DTD1: variants seen among roughly 807,000 people sequenced by gnomAD.
The protein encoded by DTD1 is D-tyrosyl-tRNA deacylase 1 homolog.
DTD1 carries 13 observed loss-of-function variants against 25.6 expected under a neutral mutation model. That is an observed-to-expected ratio of 0.51 (90% CI 0.33 to 0.81). The LOEUF (loss-of-function observed/expected upper bound fraction) is 0.81. Ranked by LOEUF, DTD1 falls within the 30% of genes least tolerant of loss-of-function variation. DTD1 has a pLI of 0.02. For synonymous variants in DTD1, 110 were observed against 103.6 expected (o/e 1.06, Z -0.37); for missense variants, 193 against 266.4 (o/e 0.72, Z 1.92).
At chr20:18,729,123 C>T (rs1280665175) in intron 4 of DTD1, among the ~76,000 whole-genome samples, 1 of 152,198 alleles carries the variant, frequency 6.6e-6, no homozygotes, top group East Asian at 1.9e-4. Flanking sequence ...CCTGCCTCAG[C>T]CCCTCAAGGG....
chr20:18,613,114 C>G (rs1177744941), intron 3 of DTD1, among the ~76,000 whole-genome samples: 1 of 152,202 alleles, frequency 6.6e-6, no homozygotes, highest in African/African-American at 2.4e-5. Flanking sequence ...CCTTTCTGAG[C>G]AGGATGTTCA....
At chr20:18,615,454 A>G (rs2060705728) in intron 3 of DTD1, among the ~76,000 whole-genome samples, 2 of 152,232 alleles carry the variant, frequency 1.3e-5, no homozygotes, top group African/African-American at 2.4e-5. Context: ...TATCCTCAAC[A>G]GCCCTTCAGG....
intron 4 of DTD1, among the ~76,000 whole-genome samples, chr20:18,716,791 T>A (rs892391543): frequency 2.6e-5 from 4 of 152,222 alleles, no homozygotes; most frequent in African/African-American, 9.6e-5. Flanking sequence ...AGAGAAGCCT[T>A]ACTGGTAACA....
intron 4 of DTD1, among the ~76,000 whole-genome samples, chr20:18,741,252 G>A (rs1398653376): frequency 6.6e-6 from 1 of 151,848 alleles, no homozygotes; most frequent in Non-Finnish European, 1.5e-5. Context: ...GTGCAGTGGC[G>A]TGATCTCGGC....
intron 3 of DTD1, among the ~76,000 whole-genome samples, chr20:18,617,122 A>C: frequency 6.6e-6 from 1 of 152,108 alleles, no homozygotes. Context: ...TCTATGATAC[A>C]ATTCAATTGG....
At chr20:18,722,910 AAC>A (rs1482139387) in intron 4 of DTD1, among the ~76,000 whole-genome samples, 2 of 152,220 alleles carry the variant, frequency 1.3e-5, no homozygotes, top group Non-Finnish European at 2.9e-5. Context: ...CTGGACCTAA[AAC>A]ACACAGAAAA....
chr20:18,630,941 A>G (rs2060785096), intron 4 of DTD1: 2 of 384,966 alleles, frequency 5.2e-6, no homozygotes, highest in East Asian at 1.6e-4. Flanking sequence ...AGTGCATCCT[A>G]CCAGGAGGTA....
Position 18,596,094 on chromosome 20 carries a change from C to G in DTD1, c.223C>G (p.Leu75Val). The G allele has an allele frequency of 6.2e-7, 1 of 1,614,166 alleles. No individual in the cohort carries two copies. The highest frequency in any genetic ancestry group is 8.5e-7 in the Non-Finnish European group (1 of 1,180,018). ...TGTGATGGACAAACAGTACGAGATTCTGTGTGTCAGCCAGTTTACCCTCCA... is the reference window on the plus strand; with the variant it reads ...TGTGATGGACAAACAGTACGAGATTGTGTGTGTCAGCCAGTTTACCCTCCA... ...KSVMDKQYEI[L>V]CVSQFTLQCV... The change falls in exon 3 of 6, where the codon CTG (leucine) becomes GTG (valine). Residue 75 changes from leucine to valine, a missense_variant. Leu to Val is a conservative substitution (Grantham distance 32, BLOSUM62 1). Coordinates refer to ENST00000377452, the MANE Select transcript of DTD1 (RefSeq NM_080820.6).
chr20:18,737,375 C>G (rs941984509), intron 4 of DTD1, among the ~76,000 whole-genome samples: 7 of 152,222 alleles, frequency 4.6e-5, no homozygotes, highest in African/African-American at 1.7e-4. Flanking sequence ...GTTGGCCCTC[C>G]CCAAACTTGG....
chr20:18,699,277 T>C (rs1342107208), intron 4 of DTD1, among the ~76,000 whole-genome samples: 1 of 152,188 alleles, frequency 6.6e-6, no homozygotes, highest in Non-Finnish European at 1.5e-5. Flanking sequence ...GGCAGCGGTG[T>C]TCTTTTCCCC....
At chr20:18,744,018 A>C in intron 4 of DTD1, 82 bp from the exon 5 acceptor site, 1 of 1,461,550 alleles carries the variant, frequency 6.8e-7, no homozygotes, top group Non-Finnish European at 9.1e-7. Flanking sequence ...AATGGTTCCC[A>C]CCTGGGAAGT....
At chr20:18,720,849 C>A (rs1178710614) in intron 4 of DTD1, among the ~76,000 whole-genome samples, 1 of 152,098 alleles carries the variant, frequency 6.6e-6, no homozygotes. Flanking sequence ...CAGAGTGAAA[C>A]CCTGTCTCAA....
chr20:18,754,804 G>C (rs762475254), intron 5 of DTD1, among the ~76,000 whole-genome samples: 2 of 152,318 alleles, frequency 1.3e-5, no homozygotes, highest in South Asian at 4.1e-4. Context: ...AGAGAGCAAC[G>C]TCTATTGACC....
intron 5 of DTD1, among the ~76,000 whole-genome samples, chr20:18,752,426 C>A (rs1382145392): frequency 2.0e-5 from 3 of 152,058 alleles, no homozygotes; most frequent in African/African-American, 7.2e-5. Context: ...AATGACCTAT[C>A]TTTGAGCTCA....
At chr20:18,634,617 G>A (rs2060800401) in intron 4 of DTD1, among the ~76,000 whole-genome samples, 1 of 152,092 alleles carries the variant, frequency 6.6e-6, no homozygotes, top group African/African-American at 2.4e-5. Flanking sequence ...AATTTTCTCT[G>A]TATACTTGTC....
intron 4 of DTD1, among the ~76,000 whole-genome samples, chr20:18,699,797 T>C (rs1416938783): frequency 6.6e-6 from 1 of 152,176 alleles, no homozygotes; most frequent in Non-Finnish European, 1.5e-5. Flanking sequence ...TGTACACATA[T>C]GTATCTTAAA....
At chr20:18,646,283 G>A (rs2060850105) in intron 4 of DTD1, among the ~76,000 whole-genome samples, 2 of 152,184 alleles carry the variant, frequency 1.3e-5, no homozygotes, top group South Asian at 4.1e-4. Context: ...GGGTTTGTAA[G>A]GAAAGGGGCT....
In DTD1 at chr20:18,596,195, C is replaced by T. The variant is rs751451792; in HGVS notation, c.324C>T (p.Ser108=). The T allele has an allele frequency of 2.7e-5, 43 of 1,614,140 alleles. No homozygotes were observed. The highest frequency in any genetic ancestry group is 3.5e-5 in the Non-Finnish European group (41 of 1,180,020). Residue 108 remains serine, a synonymous_variant, in exon 3 of 6, where the codon AGC becomes AGT. Transcript: ENST00000377452. ...AGCAGGCAGAGGGCTTCTACAACAG[C>T]TTCCTGGAGCAGCTGCGTAAAACAT... is the stretch of plus-strand genomic sequence containing the variant. ...PTEQAEGFYN[S]FLEQLRKTYR...
At chr20:18,672,443 T>C (rs1164149878) in intron 4 of DTD1, among the ~76,000 whole-genome samples, 4 of 152,176 alleles carry the variant, frequency 2.6e-5, no homozygotes, top group Non-Finnish European at 5.9e-5. Flanking sequence ...AATAGCTTTT[T>C]TCAGTTTTTT....
Sources: allele counts gnomAD v4.1 joint callset (sites outside exome capture counted in the v4.1 genomes callset), GRCh38; gene constraint gnomAD v4.1.1; transcripts MANE v1.5; gene names NCBI Gene and HGNC (gene_info 2026-07-23, HGNC 2026-07-21).